DCDC2: variants seen among roughly 807,000 people sequenced by gnomAD.
The protein encoded by DCDC2 is doublecortin domain containing 2.
DCDC2 carries 40 observed loss-of-function variants against 50.2 expected under a neutral mutation model. The ratio of observed to expected loss-of-function variants is 0.80; its 90% CI spans 0.62 to 1.04. The LOEUF (loss-of-function observed/expected upper bound fraction) is 1.04, where lower values mean the gene tolerates loss of function less well. DCDC2 is among the 50% of genes least tolerant of loss of function. The probability of loss-of-function intolerance (pLI) is 0.00; values close to 1 mark genes in which losing one functional copy is unlikely to be tolerated. For missense variants in DCDC2, 570 were observed against 581.9 expected, an observed-to-expected ratio of 0.98 and a Z score of 0.21; for synonymous variants, 234 against 210.6, an observed-to-expected ratio of 1.11 and a Z score of -0.96.
intron 2 of DCDC2, among the ~76,000 whole-genome samples, chr6:24,305,889 C>T (rs112658604): frequency 9.9e-5 from 15 of 152,000 alleles, no homozygotes; most frequent in African/African-American, 3.1e-4. Flanking sequence ...ATTATCTGGG[C>T]GTGGTGGTAT....
intron 8 of DCDC2, among the ~76,000 whole-genome samples, chr6:24,203,293 G>C (rs1761628272): frequency 6.6e-6 from 1 of 152,112 alleles, no homozygotes; most frequent in Non-Finnish European, 1.5e-5. Flanking sequence ...CAGATATATA[G>C]ACCAACTGAG....
rs572393397 is a variant in DCDC2, at chr6:24,243,830, A to G, written c.922+34219T>C. ...GCAACCCCAAACCACAGGAATGGGA[A>G]TGGGGGTTGAGTGAACAGGGAAGAG... On this transcript the variant is annotated intron_variant, in intron 7 of 9. Coordinates refer to ENST00000378454, the MANE Select transcript of DCDC2 (RefSeq NM_016356.5). Among the ~76,000 whole-genome samples the G allele has an allele frequency of 7.9e-5, 12 of 152,280 alleles. No homozygotes were observed. The South Asian group carries it at 1.9e-3, about 24-fold the overall frequency.
chr6:24,332,812 CATATTTCTGTGCACA>C (rs1759989089), intron 2 of DCDC2, among the ~76,000 whole-genome samples: 1 of 152,146 alleles, frequency 6.6e-6, no homozygotes, highest in Non-Finnish European at 1.5e-5. Flanking sequence ...CACACACACA[CATATTTCTGTGCACA>C]AGACACTGTG....
At chr6:24,319,028 A>G (rs1759724712) in intron 2 of DCDC2, among the ~76,000 whole-genome samples, 1 of 152,130 alleles carries the variant, frequency 6.6e-6, no homozygotes, top group African/African-American at 2.4e-5. Flanking sequence ...CAGCAGTTGT[A>G]CTAATTTACA....
At chr6:24,379,968 C>T in the DCDC2 span, among the ~76,000 whole-genome samples, 6 of 146,980 alleles carry the variant, frequency 4.1e-5, no homozygotes, top group African/African-American at 1.3e-4. Context: ...CATGTTCTCA[C>T]TCATAAGTAG....
intron 7 of DCDC2, among the ~76,000 whole-genome samples, chr6:24,259,621 C>T (rs1038258203): frequency 2.6e-5 from 4 of 152,196 alleles, no homozygotes; most frequent in Admixed American, 2.6e-4. Context: ...GATTAATTAA[C>T]ATTTAACTAC....
chr6:24,382,009 A>AAGGC, the DCDC2 span, among the ~76,000 whole-genome samples: 11,061 of 116,140 alleles, frequency 0.095, 807 homozygotes, highest in Non-Finnish European at 0.11. Context: ...GGAAGGAAGG[A>AAGGC]AGGCAGGCAA....
chr6:24,177,356 G>A (rs996430258), intron 9 of DCDC2, among the ~76,000 whole-genome samples: 2 of 152,194 alleles, frequency 1.3e-5, no homozygotes, highest in African/African-American at 2.4e-5. Flanking sequence ...CTGGCCACCA[G>A]AACATTTTGC....
In DCDC2 at chr6:24,197,171, A is replaced by AT. The variant is rs199992244; in HGVS notation, c.1023+7830dup. Among the ~76,000 whole-genome samples, 660 of 152,340 alleles carry AT rather than the reference A, an allele frequency of 4.3e-3. 5 individuals are homozygous for AT. Among genetic ancestry groups the AT allele is most frequent in the African/African-American group, 0.013 (550 of 41,586 alleles). The stretch of plus-strand genomic sequence containing the variant: ...TTCTCAGTATCTCCTGCATACCTGC[A>AT]TTTTGATAAGCTAGCACTCACAAGT... On this transcript the variant is annotated intron_variant, in intron 8 of 9. Transcript: ENST00000378454.
At chr6:24,205,298 G>C in intron 7 of DCDC2, 196 bp from the exon 8 acceptor site, 1 of 1,546,058 alleles carries the variant, frequency 6.5e-7, no homozygotes, top group Non-Finnish European at 8.7e-7. Flanking sequence ...AAAACATTCA[G>C]TGGTCAAAAC....
At chr6:24,355,482 T>C (rs186806566) in intron 1 of DCDC2, among the ~76,000 whole-genome samples, 12 of 152,322 alleles carry the variant, frequency 7.9e-5, no homozygotes, top group African/African-American at 2.9e-4. Flanking sequence ...TGTAACACTT[T>C]GGTGTTTACA....
At chr6:24,333,956 C>A (rs1300671671) in intron 2 of DCDC2, among the ~76,000 whole-genome samples, 1 of 152,068 alleles carries the variant, frequency 6.6e-6, no homozygotes, top group African/African-American at 2.4e-5. Context: ...ACTCTCAAAA[C>A]TGGAATGGAT....
At chr6:24,194,431 A>G (rs1018846940) in intron 8 of DCDC2, among the ~76,000 whole-genome samples, 2 of 152,210 alleles carry the variant, frequency 1.3e-5, no homozygotes, top group Admixed American at 1.3e-4. Context: ...ATCAACTACA[A>G]ATAGGAAAAG....
chr6:24,246,688 T>C (rs1235497066), intron 7 of DCDC2, among the ~76,000 whole-genome samples: 2 of 151,960 alleles, frequency 1.3e-5, no homozygotes, highest in East Asian at 1.9e-4. Flanking sequence ...GGTTTCACCA[T>C]GTTGGCCAGG....
chr6:24,206,353 C>T (rs1263068503), intron 7 of DCDC2, among the ~76,000 whole-genome samples: 1 of 151,088 alleles, frequency 6.6e-6, no homozygotes, highest in African/African-American at 2.4e-5. Context: ...AAATATACAG[C>T]CCAGTGAGGA....
At chr6:24,188,845 G>A (rs1449249774) in intron 8 of DCDC2, among the ~76,000 whole-genome samples, 4 of 151,846 alleles carry the variant, frequency 2.6e-5, no homozygotes, top group African/African-American at 7.3e-5. Flanking sequence ...AACAATGATC[G>A]CAGAAGTCAT....
chr6:24,203,991 G>A (rs968153161), intron 8 of DCDC2, among the ~76,000 whole-genome samples: 26 of 152,180 alleles, frequency 1.7e-4, no homozygotes, highest in African/African-American at 6.0e-4. Context: ...GGAGGCAACA[G>A]ATGCTGGAGA....
chr6:24,344,357 AT>A (rs910598062), intron 2 of DCDC2, among the ~76,000 whole-genome samples: 3 of 152,186 alleles, frequency 2.0e-5, no homozygotes, highest in African/African-American at 7.2e-5. Context: ...TACTTTTCCT[AT>A]TTTTTTCTGA....
chr6:24,244,517 C>G (rs559529067), intron 7 of DCDC2, among the ~76,000 whole-genome samples: 1 of 152,182 alleles, frequency 6.6e-6, no homozygotes, highest in Non-Finnish European at 1.5e-5. Context: ...GTAAATGTCA[C>G]GGTGTTCAGT....
Sources: gnomAD v4.1 joint callset for allele counts (sites outside exome capture counted in the v4.1 genomes callset) on GRCh38, gnomAD v4.1.1 for gene constraint, MANE v1.5 for transcripts, NCBI Gene and HGNC (gene_info 2026-07-23, HGNC 2026-07-21) for gene names.